Variants in RBM6 observed in about 807,000 individuals in gnomAD.
RBM6 encodes the protein RNA binding motif protein 6, also known as RNA-binding protein 6.
RBM6 carries 23 observed loss-of-function variants against 140.4 expected under a neutral mutation model. The observed-to-expected ratio is 0.16, with a 90% CI of 0.12 to 0.23. The LOEUF (loss-of-function observed/expected upper bound fraction) is 0.23, where lower values mean the gene tolerates loss of function less well. RBM6 is among the 10% of genes least tolerant of loss of function. The probability of loss-of-function intolerance (pLI) is 1.00; values close to 1 mark genes in which losing one functional copy is unlikely to be tolerated. For synonymous variants in RBM6, 439 were observed against 475.6 expected (o/e 0.92, Z 1.00); for missense variants, 1,139 against 1,386.7 (o/e 0.82, Z 2.84).
At chr3:50,033,286 G>C (rs1456835753) in intron 6 of RBM6, among the ~76,000 whole-genome samples, 1 of 152,112 alleles carries the variant, frequency 6.6e-6, no homozygotes, top group Non-Finnish European at 1.5e-5. Flanking sequence ...GACAGAGTGA[G>C]ACTCTGTCTC....
chr3:49,973,797 G>T (rs537281596), intron 4 of RBM6, among the ~76,000 whole-genome samples: 2 of 152,050 alleles, frequency 1.3e-5, no homozygotes, highest in African/African-American at 4.8e-5. Context: ...TCTTGGTCAG[G>T]CTGATCTTGA....
At chr3:50,031,592 AG>A (rs1316307954) in intron 6 of RBM6, among the ~76,000 whole-genome samples, 1 of 135,424 alleles carries the variant, frequency 7.4e-6, no homozygotes, top group Non-Finnish European at 1.6e-5. Context: ...GGGGTGGGGG[AG>A]GGGGGAGTGA....
At chr3:50,032,171 G>A (rs58363428) in intron 6 of RBM6, among the ~76,000 whole-genome samples, 2,250 of 152,196 alleles carry the variant, frequency 0.015, 70 homozygotes, top group African/African-American at 0.052. Flanking sequence ...ATAGGCATTA[G>A]GAGACTACTA....
chr3:50,029,232 A>T (rs376934562), intron 6 of RBM6, among the ~76,000 whole-genome samples: 1 of 152,206 alleles, frequency 6.6e-6, no homozygotes, highest in South Asian at 2.1e-4. Context: ...TAAAAAGAGA[A>T]ACTGCAGAGA....
Position 50,025,587 on chromosome 3 carries a change from A to AT in RBM6, c.1558-22639dup, listed in dbSNP as rs761261742. Among the ~76,000 whole-genome samples, 547 of 124,462 alleles carry AT rather than the reference A, an allele frequency of 4.4e-3. 70 individuals are homozygous for AT. Among genetic ancestry groups the AT allele is most frequent in the African/African-American group, 0.011 (373 of 33,406 alleles). The allele number at this position is 124,462 out of a possible 152,430, so 81.7% of individuals were successfully genotyped here. On this transcript the variant is annotated intron_variant, in intron 6 of 20. Coordinates refer to ENST00000266022, the MANE Select transcript of RBM6 (RefSeq NM_005777.3). ...AACCTTTTATATATATACAACTTTA[A>AT]TTTTTTTTTTTTTTTTTTTAAGAGA...
chr3:50,059,971 G>C lies in RBM6; in HGVS notation c.2228+225G>C, dbSNP rs1237843442. Among the ~76,000 whole-genome samples the C allele has an allele frequency of 2.0e-5, 3 of 152,048 alleles. No individual in the cohort carries two copies. The East Asian group carries it at 5.8e-4, about 29-fold the overall frequency. ...TACTTTTGTCCTTTCCCTTTTGACT[G>C]TCTGGTATCTTTGGGTCCCAAATGG... On this transcript the variant is annotated intron_variant, in intron 11 of 20. Coordinates refer to ENST00000266022, the MANE Select transcript of RBM6 (RefSeq NM_005777.3).
chr3:49,990,039 A>C (rs1023825693), intron 5 of RBM6, among the ~76,000 whole-genome samples: 1 of 152,252 alleles, frequency 6.6e-6, no homozygotes, highest in African/African-American at 2.4e-5. Flanking sequence ...GAGCCACTGC[A>C]CCTGGCCTTT....
At chr3:49,999,398 G>A (rs763943036) in intron 5 of RBM6, 42 bp from the exon 6 acceptor site, 37 of 1,519,120 alleles carry the variant, frequency 2.4e-5, no homozygotes, top group Non-Finnish European at 3.0e-5. Flanking sequence ...TGTTTGCAAG[G>A]CACTAACACC....
intron 7 of RBM6, among the ~76,000 whole-genome samples, chr3:50,048,534 T>C (rs574736587): frequency 1.5e-4 from 23 of 152,276 alleles, no homozygotes; most frequent in African/African-American, 5.5e-4. Context: ...GGACCTGCAA[T>C]TGGAGACACT....
intron 6 of RBM6, among the ~76,000 whole-genome samples, chr3:50,000,578 G>T (rs1174502736): frequency 1.3e-5 from 2 of 151,654 alleles, no homozygotes; most frequent in East Asian, 1.9e-4. Flanking sequence ...GCGCCACCAC[G>T]CCGGCTAATT....
At chr3:49,954,785 G>A (rs939861078) in intron 1 of RBM6, among the ~76,000 whole-genome samples, 1 of 150,446 alleles carries the variant, frequency 6.6e-6, no homozygotes, top group African/African-American at 2.4e-5. Context: ...TTGAAATGGA[G>A]TCTTACTCTG....
At chr3:50,031,262 G>A (rs1225321701) in intron 6 of RBM6, among the ~76,000 whole-genome samples, 1 of 152,128 alleles carries the variant, frequency 6.6e-6, no homozygotes, top group East Asian at 1.9e-4. Flanking sequence ...AAATCATGCT[G>A]CTATAAAGAC....
At chr3:50,015,591 C>T (rs886338312) in intron 6 of RBM6, among the ~76,000 whole-genome samples, 5 of 151,614 alleles carry the variant, frequency 3.3e-5, no homozygotes, top group Admixed American at 6.6e-5. Context: ...CCACCACGCC[C>T]GGCTAATTTT....
At chr3:49,996,845 G>A (rs1468750672) in intron 5 of RBM6, among the ~76,000 whole-genome samples, 1 of 152,194 alleles carries the variant, frequency 6.6e-6, no homozygotes, top group Non-Finnish European at 1.5e-5. Flanking sequence ...ATTGAAGAGT[G>A]AGAGGCTAGA....
intron 14 of RBM6, 69 bp downstream of exon 14, chr3:50,061,616 C>T: frequency 1.3e-6 from 2 of 1,527,406 alleles, no homozygotes; most frequent in South Asian, 1.2e-5. Context: ...GAGAAAAGCA[C>T]CCATAATTTG....
At chr3:50,035,786 A>G (rs897055580) in intron 6 of RBM6, among the ~76,000 whole-genome samples, 4 of 151,742 alleles carry the variant, frequency 2.6e-5, no homozygotes, top group African/African-American at 9.7e-5. Context: ...TTTGAGACAG[A>G]GTCTCACTCT....
chr3:50,070,490 A>G lies in RBM6; in HGVS notation c.3054A>G (p.Glu1018=). The change falls in exon 19 of 21, where the codon GAA becomes GAG. Residue 1018 remains glutamate (E), a synonymous_variant. Transcript: ENST00000266022. ...KFKGRGNDRR[E]KLQSFDSPER... The stretch of plus-strand genomic sequence containing the variant: ...AAGGAAGAGGAAATGATCGCAGGGA[A>G]AAGCTCCAGTCTTTTGACTCTCCAG... 1 of 1,614,088 alleles carries G rather than the reference A, an allele frequency of 6.2e-7. No individual in the cohort carries two copies. Among genetic ancestry groups the G allele is most frequent in the South Asian group, 1.1e-5 (1 of 91,082 alleles).
chr3:50,058,257 C>T (rs2089793924), intron 9 of RBM6, 145 bp from the exon 10 acceptor site: 5 of 991,148 alleles, frequency 5.0e-6, no homozygotes, highest in Middle Eastern at 6.2e-4. Context: ...GAAAAGTATG[C>T]AGTATTTATT....
chr3:49,994,621 T>C (rs1360489807), intron 5 of RBM6, among the ~76,000 whole-genome samples: 2 of 152,112 alleles, frequency 1.3e-5, no homozygotes, highest in African/African-American at 2.4e-5. Flanking sequence ...TTCAAAATGC[T>C]TTGTTCTCAC....
Sources: gnomAD v4.1 joint callset for allele counts (sites outside exome capture counted in the v4.1 genomes callset) on GRCh38, gnomAD v4.1.1 for gene constraint, MANE v1.5 for transcripts, NCBI Gene and HGNC (gene_info 2026-07-23, HGNC 2026-07-21) for gene names.